MINAR1: variants seen among roughly 807,000 people sequenced by gnomAD.
MINAR1 encodes the protein major intrinsically disordered Notch2-binding receptor 1.
MINAR1 carries 40 observed loss-of-function variants against 65.1 expected under a neutral mutation model. The ratio of observed to expected loss-of-function variants is 0.61; its 90% CI spans 0.48 to 0.80. MINAR1 has a LOEUF of 0.80. Ranked by LOEUF, MINAR1 falls within the 30% of genes least tolerant of loss-of-function variation. The probability of loss-of-function intolerance (pLI) is 0.00; values close to 1 mark genes in which losing one functional copy is unlikely to be tolerated. For missense variants in MINAR1, 1,128 were observed against 1,148.0 expected, an observed-to-expected ratio of 0.98 and a Z score of 0.25; for synonymous variants, 482 against 449.1, an observed-to-expected ratio of 1.07 and a Z score of -0.93.
upstream of MINAR1, among the ~76,000 whole-genome samples, chr15:79,427,939 C>T (rs192509826): frequency 2.6e-5 from 4 of 152,262 alleles, no homozygotes; most frequent in Admixed American, 2.0e-4. Context: ...GCACTAATCA[C>T]GGGGTACCCA....
Position 79,456,578 on chromosome 15 carries a change from G to A in MINAR1, c.431G>A (p.Arg144Lys), listed in dbSNP as rs1310628023. Reference protein sequence around the residue: ...CEPLNCELSERSFSRGYPIRQ... With the variant: ...CEPLNCELSEKSFSRGYPIRQ... ...CCCCTGAACTGTGAGCTGAGTGAGAGGTCTTTCAGCCGGGGCTACCCCATC... is the reference window on the plus strand; with the variant it reads ...CCCCTGAACTGTGAGCTGAGTGAGAAGTCTTTCAGCCGGGGCTACCCCATC... Residue 144 changes from arginine to lysine, a missense_variant, in exon 2 of 4, where the codon AGG becomes AAG. Physicochemically the swap from Arg to Lys is conservative, Grantham distance 26. Transcript: ENST00000305428. The A allele has an allele frequency of 6.2e-7, 1 of 1,614,124 alleles. No homozygotes were observed. The highest frequency in any genetic ancestry group is 2.2e-5 in the East Asian group (1 of 44,878).
chr15:79,412,013 G>A, the MINAR1 span: 2 of 151,694 alleles, frequency 1.3e-5, no homozygotes, highest in African/African-American at 4.9e-5. Flanking sequence ...CCTGCTTGCA[G>A]TGCAGCCTTG....
At chr15:79,413,827 G>T in the MINAR1 span, 1 of 152,122 alleles carries the variant, frequency 6.6e-6, no homozygotes, top group Admixed American at 6.5e-5. Context: ...GGTCTGATTT[G>T]GTTATAGAAC....
At chr15:79,436,379 T>C (rs929380892) in intron 1 of MINAR1, among the ~76,000 whole-genome samples, 1 of 152,194 alleles carries the variant, frequency 6.6e-6, no homozygotes, top group African/African-American at 2.4e-5. Context: ...TTTTGCCTGG[T>C]TGGAGAGCTT....
intron 1 of MINAR1, among the ~76,000 whole-genome samples, chr15:79,441,965 A>T (rs899428410): frequency 4.6e-5 from 7 of 150,970 alleles, no homozygotes; most frequent in Non-Finnish European, 8.9e-5. Context: ...GTTTCTTTGA[A>T]TTGTTCATTA....
At chr15:79,437,653 GTGTGTA>G (rs1441723040) in intron 1 of MINAR1, among the ~76,000 whole-genome samples, 1 of 132,592 alleles carries the variant, frequency 7.5e-6, no homozygotes. Flanking sequence ...GGGTGTGGGT[GTGTGTA>G]GGTAGTGTGT....
Position 79,457,113 on chromosome 15 carries a change from C to T in MINAR1, c.966C>T (p.Asp322=). 2 of 1,614,118 alleles carry T rather than the reference C, an allele frequency of 1.2e-6. No individual in the cohort carries two copies. Among genetic ancestry groups the T allele is most frequent in the Non-Finnish European group, 1.7e-6 (2 of 1,180,024 alleles). The change falls in exon 2 of 4, where the codon GAC becomes GAT. Residue 322 remains aspartate (D), a synonymous_variant. Coordinates refer to ENST00000305428, the MANE Select transcript of MINAR1 (RefSeq NM_015206.3). Reference sequence around the variant, plus strand: ...ATCCAGTGTATTCCCCGGTTCCTGACAAAAGGCGAGCAAAGCACGAAAGCT... The same window carrying T: ...ATCCAGTGTATTCCCCGGTTCCTGATAAAAGGCGAGCAAAGCACGAAAGCT... ...YLNPVYSPVP[D]KRRAKHESLD...
chr15:79,431,400 A>G (rs1894431986), upstream of MINAR1, among the ~76,000 whole-genome samples: 1 of 152,004 alleles, frequency 6.6e-6, no homozygotes, highest in Non-Finnish European at 1.5e-5. Flanking sequence ...TCCAGCACAC[A>G]GGGTGACACG....
intron 1 of MINAR1, among the ~76,000 whole-genome samples, chr15:79,452,003 G>A (rs1895219732): frequency 6.6e-6 from 1 of 152,038 alleles, no homozygotes; most frequent in African/African-American, 2.4e-5. Flanking sequence ...AAAGAGTGTG[G>A]AGATTGTGAG....
Position 79,435,992 on chromosome 15 carries a change from T to C in MINAR1, c.-51+3452T>C, listed in dbSNP as rs574126697. On this transcript the variant is annotated intron_variant, in intron 1 of 3. Coordinates refer to ENST00000305428, the MANE Select transcript of MINAR1 (RefSeq NM_015206.3). ...CCATGTGACTTGTTTGGCCAGAAAG[T>C]ACATGAACCTTTAAGAGTCAGCAGG... Among the ~76,000 whole-genome samples, 132 of 152,222 alleles carry C rather than the reference T, an allele frequency of 8.7e-4. 1 individual carries two copies. Among genetic ancestry groups the C allele is most frequent in the Non-Finnish European group, 1.7e-3 (117 of 68,036 alleles).
chr15:79,455,679 A>C (rs1595945419), intron 1 of MINAR1, among the ~76,000 whole-genome samples: 1 of 152,308 alleles, frequency 6.6e-6, no homozygotes, highest in East Asian at 1.9e-4. Context: ...GATACATTCG[A>C]GATTCATCCA....
chr15:79,436,776 C>T (rs1008532811), intron 1 of MINAR1, among the ~76,000 whole-genome samples: 1 of 152,198 alleles, frequency 6.6e-6, no homozygotes, highest in Non-Finnish European at 1.5e-5. Flanking sequence ...ATGCTCTGAG[C>T]ATTGTTCCAT....
rs546641024 is a variant in MINAR1 at position 79,456,536 on chromosome 15, A to G, written c.389A>G (p.Asn130Ser). 2.0e-5 allele frequency: 32 copies of G among 1,614,114 alleles called. No individual in the cohort carries two copies. The Admixed American group carries it at 3.0e-4, about 15-fold the overall frequency. ...ESCRSDTEIC[N>S]AAECEPLNCE... ...TGTAGGTCGGACACAGAGATCTGCA[A>G]TGCAGCTGAGTGTGAGCCCCTGAAC... Residue 130 changes from asparagine (N) to serine (S), a missense_variant, in exon 2 of 4, where the codon AAT (asparagine) becomes AGT (serine). By Grantham distance (46) the Asn-to-Ser change is conservative. Transcript: ENST00000305428.
chr15:79,414,184 G>C, the MINAR1 span: 1 of 152,270 alleles, frequency 6.6e-6, no homozygotes, highest in South Asian at 2.1e-4. Flanking sequence ...GGGGTTTCCT[G>C]CCTTTCTTTC....
chr15:79,443,560 A>C (rs1567052075), intron 1 of MINAR1, among the ~76,000 whole-genome samples: 1 of 152,162 alleles, frequency 6.6e-6, no homozygotes, highest in Non-Finnish European at 1.5e-5. Flanking sequence ...ATCCCTAAAT[A>C]ATCTATTTGA....
At chr15:79,412,008 T>C in the MINAR1 span, 3 of 151,590 alleles carry the variant, frequency 2.0e-5, no homozygotes, top group Admixed American at 1.3e-4. Context: ...CCGTGCCTGC[T>C]TGCAGTGCAG....
At position 79,457,854 on chromosome 15, in the gene MINAR1, T is replaced by C. The variant is rs745810969; in HGVS notation, c.1707T>C (p.Asn569=). The C allele has an allele frequency of 9.3e-6, 15 of 1,613,816 alleles. No individual in the cohort carries two copies. Among genetic ancestry groups the C allele is most frequent in the Non-Finnish European group, 1.3e-5 (15 of 1,180,018 alleles). The change falls in exon 2 of 4, where the codon AAT becomes AAC. Residue 569 remains asparagine, a synonymous_variant. Coordinates refer to ENST00000305428, the MANE Select transcript of MINAR1 (RefSeq NM_015206.3). ...AGCACAACTTAACCAAAATTGCCAA[T>C]GGGGTCCCCAACAGCAAGGGAGACA... ...SPEHNLTKIA[N]GVPNSKGDKG...
In MINAR1 at chr15:79,456,391, A is replaced by G; in HGVS notation, c.244A>G (p.Met82Val). 1 of 1,614,242 alleles carries G rather than the reference A, an allele frequency of 6.2e-7. No individual in the cohort carries two copies. Among genetic ancestry groups the G allele is most frequent in the Non-Finnish European group, 8.5e-7 (1 of 1,180,048 alleles). ...GAATAACCAGCAATCAAAGAAAATC[A>G]TGGTGGCAGCAGATATTGTGACGAT... Reference protein sequence around the residue: ...TVNNQQSKKIMVAADIVTIFN... With the variant: ...TVNNQQSKKIVVAADIVTIFN... Residue 82 changes from methionine (M) to valine (V), a missense_variant, in exon 2 of 4, where the codon ATG becomes GTG. Met to Val is a conservative substitution (Grantham distance 21). Coordinates refer to ENST00000305428, the MANE Select transcript of MINAR1 (RefSeq NM_015206.3).
At chr15:79,462,213 G>C (rs575198054) in intron 2 of MINAR1, among the ~76,000 whole-genome samples, 36 of 152,202 alleles carry the variant, frequency 2.4e-4, no homozygotes, top group African/African-American at 8.2e-4. Context: ...TGCCTTTAAG[G>C]AACTCATAGT....
Sources: allele counts gnomAD v4.1 joint callset (sites outside exome capture counted in the v4.1 genomes callset), GRCh38; gene constraint gnomAD v4.1.1; transcripts MANE v1.5; gene names NCBI Gene and HGNC (gene_info 2026-07-23, HGNC 2026-07-21).